The following CEMIP2 variants were observed in gnomAD, a reference collection of about 807,000 sequenced individuals.
The protein encoded by CEMIP2 is cell migration inducing hyaluronidase 2.
Under a neutral mutation model 146.9 loss-of-function variants are expected in CEMIP2, and 79 were observed. The ratio of observed to expected loss-of-function variants is 0.54; its 90% CI spans 0.45 to 0.65. The LOEUF is 0.65. Ranked by LOEUF, CEMIP2 falls within the 30% of genes least tolerant of loss-of-function variation. The pLI, the probability that CEMIP2 is intolerant of heterozygous loss-of-function variation, is 0.00. For missense variants in CEMIP2, 1,596 were observed against 1,696.2 expected (o/e 0.94, Z 1.04); for synonymous variants, 601 against 606.3 (o/e 0.99, Z 0.13).
chr9:71,728,250 T>TATACACGTATATATATATATATATAC (rs1564012216), intron 10 of CEMIP2, among the ~76,000 whole-genome samples: 22 of 23,448 alleles, frequency 9.4e-4, no homozygotes, highest in East Asian at 3.3e-3. Context: ...TATATATATA[T>TATACACGTATATATATATATATATAC]GTATATACAC....
intron 12 of CEMIP2, among the ~76,000 whole-genome samples, chr9:71,719,093 A>AT (rs555651759): frequency 8.4e-4 from 127 of 151,466 alleles, no homozygotes; most frequent in Non-Finnish European, 1.1e-3. Flanking sequence ...AAGGCCACCT[A>AT]TTTTTTTTTA....
intron 17 of CEMIP2, 23 bp downstream of exon 17, chr9:71,709,236 C>A: frequency 6.2e-7 from 1 of 1,610,720 alleles, no homozygotes; most frequent in Non-Finnish European, 8.5e-7. Flanking sequence ...GGAACTTGAG[C>A]ATTATACATT....
At chr9:71,688,678 G>A (rs1421374687) in intron 22 of CEMIP2, among the ~76,000 whole-genome samples, 3 of 152,068 alleles carry the variant, frequency 2.0e-5, no homozygotes, top group Admixed American at 6.6e-5. Flanking sequence ...GTGAGCCACC[G>A]TGCCTGGCCT....
chr9:71,709,278 C>T lies in CEMIP2; in HGVS notation c.2966G>A (p.Cys989Tyr). Reference sequence around the variant, plus strand: ...GCCTACCTGTGCATAGGTCCCACTGCAGATCACTGCATTCCACTTAGACAC... The same window carrying T: ...GCCTACCTGTGCATAGGTCCCACTGTAGATCACTGCATTCCACTTAGACAC... ...VNVSKWNAVI[C>Y]SGTYAQVYVQ... Residue 989 changes from cysteine to tyrosine, a missense_variant, in exon 17 of 24, where the codon TGC (cysteine) becomes TAC (tyrosine). Physicochemically the swap from Cys to Tyr is radical, Grantham distance 194. Coordinates refer to ENST00000377044, the MANE Select transcript of CEMIP2 (RefSeq NM_013390.3). The T allele has an allele frequency of 6.2e-7, 1 of 1,614,216 alleles. No homozygotes were observed. The highest frequency in any genetic ancestry group is 8.5e-7 in the Non-Finnish European group (1 of 1,180,022).
At chr9:71,762,795 G>A (rs1824675683) in intron 1 of CEMIP2, among the ~76,000 whole-genome samples, 1 of 152,130 alleles carries the variant, frequency 6.6e-6, no homozygotes, top group South Asian at 2.1e-4. Context: ...AGGATCACTT[G>A]AGGCCAGGAG....
chr9:71,741,598 T>A (rs1333977202), intron 4 of CEMIP2, among the ~76,000 whole-genome samples: 1 of 151,734 alleles, frequency 6.6e-6, no homozygotes, highest in Non-Finnish European at 1.5e-5. Flanking sequence ...CAGCAATGTG[T>A]TTGAAAACAC....
chr9:71,762,523 A>AAAAAG (rs1824667621), intron 1 of CEMIP2, among the ~76,000 whole-genome samples: 1 of 146,054 alleles, frequency 6.8e-6, no homozygotes, highest in Non-Finnish European at 1.5e-5. Flanking sequence ...AAAAAAAAAA[A>AAAAAG]AAACTGGCTA....
intron 11 of CEMIP2, 22 bp downstream of exon 11, chr9:71,725,558 AT>A (rs774256383): frequency 6.2e-7 from 1 of 1,611,166 alleles, no homozygotes; most frequent in Non-Finnish European, 8.5e-7. Context: ...ATATGTACTA[AT>A]TGTTAAAACT....
chr9:71,754,203 A>ACC (rs1165397450), intron 1 of CEMIP2, among the ~76,000 whole-genome samples: 2 of 152,204 alleles, frequency 1.3e-5, no homozygotes, highest in East Asian at 3.8e-4. Flanking sequence ...CCTAGAACTT[A>ACC]AAGTATAATA....
intron 23 of CEMIP2, 22 bp from the exon 24 acceptor site, chr9:71,685,415 A>AG (rs1316398635): frequency 1.9e-5 from 27 of 1,437,450 alleles, no homozygotes; most frequent in Non-Finnish European, 2.5e-5. Flanking sequence ...AAAAAAAAAG[A>AG]AAAAGAAAAA....
In CEMIP2 at chr9:71,746,464, C is replaced by A. The variant is rs961277084; in HGVS notation, c.332-123G>T. Reference sequence around the variant, plus strand: ...TGTGCTAACATATGTTGATTTCCTGCCATTAGAATGGAAATCCCACGCCTT... The same window carrying A: ...TGTGCTAACATATGTTGATTTCCTGACATTAGAATGGAAATCCCACGCCTT... On this transcript the variant is annotated intron_variant, in intron 2 of 23. Coordinates refer to ENST00000377044, the MANE Select transcript of CEMIP2 (RefSeq NM_013390.3). 3.4e-6 allele frequency: 4 copies of A among 1,171,044 alleles called. No homozygotes were observed. The Admixed American group carries it at 7.3e-5, about 21-fold the overall frequency. The allele number at this position is 1,171,044 out of a possible 1,614,324, so 72.5% of individuals were successfully genotyped here. A position where few individuals can be genotyped will look rare whatever the true frequency, so the allele number is the denominator to read the frequency against.
intron 13 of CEMIP2, among the ~76,000 whole-genome samples, chr9:71,717,197 G>T (rs1199916148): frequency 6.6e-6 from 1 of 152,088 alleles, no homozygotes; most frequent in Non-Finnish European, 1.5e-5. Flanking sequence ...CTAATGTTAG[G>T]AACAGTGCCT....
At chr9:71,724,688 T>C (rs1480151754) in intron 11 of CEMIP2, among the ~76,000 whole-genome samples, 1 of 152,136 alleles carries the variant, frequency 6.6e-6, no homozygotes, top group East Asian at 1.9e-4. Flanking sequence ...CATGAAAAAA[T>C]GGAAACTCCT....
chr9:71,701,829 A>G (rs1198829254), intron 18 of CEMIP2, among the ~76,000 whole-genome samples: 1 of 152,164 alleles, frequency 6.6e-6, no homozygotes, highest in East Asian at 1.9e-4. Flanking sequence ...GATAAAATTT[A>G]CCATTTTAAT....
At chr9:71,763,025 A>G (rs1824682494) in intron 1 of CEMIP2, among the ~76,000 whole-genome samples, 1 of 151,202 alleles carries the variant, frequency 6.6e-6, no homozygotes, top group South Asian at 2.1e-4. Context: ...AAAAAAATAT[A>G]TTTTTTTAAT....
chr9:71,705,770 T>C (rs1228977598), intron 17 of CEMIP2, among the ~76,000 whole-genome samples: 2 of 150,308 alleles, frequency 1.3e-5, no homozygotes, highest in African/African-American at 4.9e-5. Flanking sequence ...TATATATTTA[T>C]GTATATGTAT....
rs1589120530 is a variant in CEMIP2, at chr9:71,684,910, T to C, written c.*287A>G. 1.5e-5 allele frequency: 5 copies of C among 326,166 alleles called. No homozygotes were observed. The East Asian group carries it at 2.6e-4, about 17-fold the overall frequency. The allele number at this position is 326,166 out of a possible 1,614,324, so 20.2% of individuals were successfully genotyped here. On this transcript the variant is annotated 3_prime_UTR_variant, in exon 24 of 24. Transcript: ENST00000377044. ...CCCCATTATACAAAAAGTAAAAACA[T>C]TGCTCATGGTCATTACAAAATACGG...
chr9:71,738,836 C>CATA (rs1554686774), intron 5 of CEMIP2, among the ~76,000 whole-genome samples: 2 of 145,430 alleles, frequency 1.4e-5, no homozygotes, highest in East Asian at 4.0e-4. Flanking sequence ...GACTCCGTCT[C>CATA]AAAAAAAAAA....
chr9:71,708,398 T>C (rs1822814431), intron 17 of CEMIP2, among the ~76,000 whole-genome samples: 1 of 152,226 alleles, frequency 6.6e-6, no homozygotes. Flanking sequence ...CTGAACTATG[T>C]GCCAGGCCAT....
Sources: allele counts gnomAD v4.1 joint callset (sites outside exome capture counted in the v4.1 genomes callset), GRCh38; gene constraint gnomAD v4.1.1; transcripts MANE v1.5; gene names NCBI Gene and HGNC (gene_info 2026-07-23, HGNC 2026-07-21).